Variants in ADAMTSL1 observed in about 807,000 individuals in gnomAD.
ADAMTSL1 encodes the protein ADAMTS-like protein 1.
A neutral mutation model predicts 201.8 loss-of-function variants in ADAMTSL1; 126 were observed. The observed-to-expected ratio is 0.62, with a 90% CI of 0.54 to 0.72. The LOEUF (loss-of-function observed/expected upper bound fraction) is 0.72, where lower values mean the gene tolerates loss of function less well. Ranked by LOEUF, ADAMTSL1 falls within the 30% of genes least tolerant of loss-of-function variation. ADAMTSL1 has a pLI of 0.00. For missense variants in ADAMTSL1, 2,679 were observed against 2,277.8 expected (o/e 1.18, Z -3.59); for synonymous variants, 1,121 against 903.4 (o/e 1.24, Z -4.32).
intron 4 of ADAMTSL1, among the ~76,000 whole-genome samples, chr9:18,608,963 G>C (rs537302574): frequency 6.6e-6 from 1 of 152,138 alleles, no homozygotes; most frequent in Non-Finnish European, 1.5e-5. Flanking sequence ...CTTATACTAA[G>C]ATGGGTTGCT....
intron 2 of ADAMTSL1, among the ~76,000 whole-genome samples, chr9:18,262,881 A>G (rs1040357963): frequency 6.6e-6 from 1 of 152,238 alleles, no homozygotes; most frequent in African/African-American, 2.4e-5. Flanking sequence ...CTGAAAGAAC[A>G]CATCATTTGA....
intron 2 of ADAMTSL1, among the ~76,000 whole-genome samples, chr9:18,271,539 T>C (rs1385402568): frequency 1.3e-5 from 2 of 152,180 alleles, no homozygotes; most frequent in African/African-American, 2.4e-5. Flanking sequence ...TATTCCATGG[T>C]GTATATGTGC....
At chr9:18,354,200 T>C (rs1288745429) in intron 2 of ADAMTSL1, among the ~76,000 whole-genome samples, 1 of 151,724 alleles carries the variant, frequency 6.6e-6, no homozygotes, top group Non-Finnish European at 1.5e-5. Flanking sequence ...TTAAAATAGT[T>C]GTATAGTGCT....
chr9:18,253,903 G>A (rs1416835434), intron 2 of ADAMTSL1, among the ~76,000 whole-genome samples: 1 of 152,178 alleles, frequency 6.6e-6, no homozygotes, highest in East Asian at 1.9e-4. Context: ...GCTTTTTGAT[G>A]AGTCTTTGAT....
At chr9:18,643,049 T>C (rs1331449843) in intron 7 of ADAMTSL1, among the ~76,000 whole-genome samples, 2 of 152,030 alleles carry the variant, frequency 1.3e-5, no homozygotes, top group African/African-American at 4.8e-5. Flanking sequence ...TTCCCACCCA[T>C]AGTATCAAAG....
chr9:18,673,760 A>G (rs1160896474), intron 9 of ADAMTSL1, among the ~76,000 whole-genome samples: 3 of 152,206 alleles, frequency 2.0e-5, no homozygotes, highest in African/African-American at 7.2e-5. Context: ...GCATTTCTGC[A>G]TTTAGAAATT....
At chr9:18,371,948 G>A (rs1200123783) in intron 2 of ADAMTSL1, among the ~76,000 whole-genome samples, 1 of 152,218 alleles carries the variant, frequency 6.6e-6, no homozygotes, top group East Asian at 1.9e-4. Flanking sequence ...TGGGGATAAT[G>A]TTCCAGGTAA....
intron 1 of ADAMTSL1, among the ~76,000 whole-genome samples, chr9:18,012,917 G>A (rs1239764332): frequency 2.0e-5 from 3 of 151,954 alleles, no homozygotes; most frequent in East Asian, 1.9e-4. Flanking sequence ...TCTCTTTTCA[G>A]TTAGGACTTG....
At chr9:18,488,512 T>G (rs576973138) in intron 1 of ADAMTSL1, among the ~76,000 whole-genome samples, 38 of 152,322 alleles carry the variant, frequency 2.5e-4, no homozygotes, top group Admixed American at 2.2e-3. Context: ...GGTTAAGAGA[T>G]AGACTGCCTG....
intron 2 of ADAMTSL1, among the ~76,000 whole-genome samples, chr9:18,434,631 C>T (rs1440129456): frequency 6.6e-6 from 1 of 152,180 alleles, no homozygotes; most frequent in African/African-American, 2.4e-5. Flanking sequence ...GAAAATTCTG[C>T]AAGAGGTATG....
intron 2 of ADAMTSL1, among the ~76,000 whole-genome samples, chr9:18,367,764 C>T (rs1223206570): frequency 6.6e-6 from 1 of 152,026 alleles, no homozygotes. Flanking sequence ...CATTTATCGG[C>T]ACAGAGTTAC....
At chr9:18,275,061 T>C (rs771117440) in intron 2 of ADAMTSL1, among the ~76,000 whole-genome samples, 46 of 152,184 alleles carry the variant, frequency 3.0e-4, no homozygotes, top group Non-Finnish European at 5.4e-4. Context: ...ACCCAATGAT[T>C]TGAAGACAAT....
chr9:18,581,921 A>G (rs1306550280), intron 4 of ADAMTSL1, among the ~76,000 whole-genome samples: 1 of 152,146 alleles, frequency 6.6e-6, no homozygotes, highest in East Asian at 1.9e-4. Flanking sequence ...CCTCAGACCT[A>G]AGAGTCATTC....
intron 2 of ADAMTSL1, among the ~76,000 whole-genome samples, chr9:18,371,932 C>G (rs959765369): frequency 6.6e-6 from 1 of 152,152 alleles, no homozygotes; most frequent in African/African-American, 2.4e-5. Flanking sequence ...CCATCAGGCA[C>G]CACAATGGGG....
In ADAMTSL1 at chr9:18,681,997, G is replaced by T. The variant is rs755007016; in HGVS notation, c.1489+38G>T. On this transcript the variant is annotated intron_variant, in intron 12 of 28. Transcript: ENST00000380548. ...GTGCTCTATTACCAGCCTGTTAATT[G>T]TTGTGTGTAGTCAGGTGTGTTTTAA... The T allele has an allele frequency of 5.0e-6, 8 of 1,607,658 alleles. No individual in the cohort carries two copies. The Admixed American group carries it at 6.7e-5, about 13-fold the overall frequency.
chr9:18,820,725 C>T (rs1408835733), intron 21 of ADAMTSL1, among the ~76,000 whole-genome samples: 1 of 152,222 alleles, frequency 6.6e-6, no homozygotes, highest in Non-Finnish European at 1.5e-5. Flanking sequence ...TCTTCCCAAT[C>T]CTGAAGCATC....
chr9:18,863,900 A>G (rs112148146), intron 23 of ADAMTSL1, among the ~76,000 whole-genome samples: 3,774 of 152,300 alleles, frequency 0.025, 89 homozygotes, highest in South Asian at 0.087. Flanking sequence ...AAATTAAGGA[A>G]AGGACTCCCA....
At chr9:18,066,284 T>C (rs532958213) in intron 1 of ADAMTSL1, among the ~76,000 whole-genome samples, 28 of 152,292 alleles carry the variant, frequency 1.8e-4, no homozygotes, top group Non-Finnish European at 3.2e-4. Flanking sequence ...AGAAGTATTA[T>C]AATAAATTGC....
intron 4 of ADAMTSL1, among the ~76,000 whole-genome samples, chr9:18,579,384 T>C (rs1036717878): frequency 1.4e-5 from 2 of 145,394 alleles, no homozygotes; most frequent in Non-Finnish European, 3.0e-5. Context: ...TTGGGAGATA[T>C]ACCTAATGCT....
Sources: gnomAD v4.1 joint callset for allele counts (sites outside exome capture counted in the v4.1 genomes callset) on GRCh38, gnomAD v4.1.1 for gene constraint, MANE v1.5 for transcripts, NCBI Gene and HGNC (gene_info 2026-07-23, HGNC 2026-07-21) for gene names.